SEMA3A: variants seen among roughly 807,000 people sequenced by gnomAD.
SEMA3A encodes the protein semaphorin 3A, also known as semaphorin-3A.
Under a neutral mutation model 97.9 loss-of-function variants are expected in SEMA3A, and 29 were observed. The ratio of observed to expected loss-of-function variants is 0.30; its 90% CI spans 0.22 to 0.40. The LOEUF (loss-of-function observed/expected upper bound fraction) is 0.40. Among genes scored for constraint, SEMA3A ranks in the 10% least tolerant of loss-of-function variants. SEMA3A has a pLI of 1.00. For synonymous variants in SEMA3A, 321 were observed against 323.7 expected (o/e 0.99, Z 0.09); for missense variants, 763 against 951.3 (o/e 0.80, Z 2.60).
chr7:84,024,291 G>GGTGGCTTGGC (rs1791459567), intron 6 of SEMA3A, among the ~76,000 whole-genome samples: 1 of 152,088 alleles, frequency 6.6e-6, no homozygotes, highest in Non-Finnish European at 1.5e-5. Flanking sequence ...TGTAATCCCG[G>GGTGGCTTGGC]CACCATGGGG....
chr7:84,242,826 T>C (rs1799396412), intron 3 of SEMA3A, among the ~76,000 whole-genome samples: 1 of 152,202 alleles, frequency 6.6e-6, no homozygotes, highest in Non-Finnish European at 1.5e-5. Flanking sequence ...CCTAGTTTAT[T>C]GAGAGTTTTT....
intron 2 of SEMA3A, among the ~76,000 whole-genome samples, chr7:84,131,865 T>C (rs1297584328): frequency 6.6e-6 from 1 of 152,180 alleles, no homozygotes. Flanking sequence ...TGATCACAGC[T>C]CACTGCAGGC....
In SEMA3A at chr7:84,249,057, C is replaced by T. The variant is rs149719793; in HGVS notation, c.-82-54389G>A. 4.6e-3 allele frequency among the ~76,000 whole-genome samples: 701 copies of T among 152,220 alleles called. 3 individuals carry two copies. Among genetic ancestry groups the T allele is most frequent in the Non-Finnish European group, 6.7e-3 (455 of 68,008 alleles). ...CAATATTTCATGCAGTTCAACTTTT[C>T]GCTTCCCTGTTTCAGAAGAATAAAG... On this transcript the variant is annotated intron_variant, in intron 3 of 3. Transcript: ENST00000424555.
At chr7:84,380,721 GCTGAGTTCCTCACTGGA>G (rs1369182370) in intron 1 of SEMA3A, among the ~76,000 whole-genome samples, 4 of 152,148 alleles carry the variant, frequency 2.6e-5, no homozygotes, top group Admixed American at 2.0e-4. Context: ...AGTCAGCAGG[GCTGAGTTCCTCACTGGA>G]AACCCTAGTG....
At chr7:84,188,665 G>A (rs559196283) in intron 1 of SEMA3A, among the ~76,000 whole-genome samples, 105 of 151,846 alleles carry the variant, frequency 6.9e-4, no homozygotes, top group Non-Finnish European at 1.3e-3. Context: ...ACAGGCACAT[G>A]AATCTCTGCT....
intron 1 of SEMA3A, among the ~76,000 whole-genome samples, chr7:84,373,287 T>G (rs1434419785): frequency 6.6e-6 from 1 of 152,186 alleles, no homozygotes; most frequent in Non-Finnish European, 1.5e-5. Context: ...CTTCAATACA[T>G]GTTGAATAGA....
intron 1 of SEMA3A, among the ~76,000 whole-genome samples, chr7:84,397,432 AT>A (rs1803765928): frequency 6.7e-6 from 1 of 148,244 alleles, no homozygotes; most frequent in Non-Finnish European, 1.5e-5. Flanking sequence ...TATAAAATAT[AT>A]AATATATATT....
intron 2 of SEMA3A, among the ~76,000 whole-genome samples, chr7:84,332,458 T>C (rs1801930431): frequency 6.6e-6 from 1 of 152,160 alleles, no homozygotes; most frequent in African/African-American, 2.4e-5. Flanking sequence ...GAAATCTAAA[T>C]GGCAAGACAA....
At chr7:84,483,660 T>C (rs1806499901) in intron 1 of SEMA3A, among the ~76,000 whole-genome samples, 1 of 152,168 alleles carries the variant, frequency 6.6e-6, no homozygotes, top group Non-Finnish European at 1.5e-5. Flanking sequence ...TAGTGTCAGA[T>C]GCAGCCAATG....
chr7:84,122,938 C>T (rs1246085517), intron 3 of SEMA3A, among the ~76,000 whole-genome samples: 1 of 152,144 alleles, frequency 6.6e-6, no homozygotes. Flanking sequence ...CATGATACAA[C>T]ACTTTGAAAT....
At chr7:84,030,223 TTA>T (rs1362983362) in intron 6 of SEMA3A, among the ~76,000 whole-genome samples, 1 of 152,152 alleles carries the variant, frequency 6.6e-6, no homozygotes, top group Admixed American at 6.5e-5. Context: ...AGCAAGTAAT[TTA>T]TATGATTTTA....
intron 6 of SEMA3A, 109 bp downstream of exon 6, chr7:84,046,215 A>G: frequency 7.7e-7 from 1 of 1,295,894 alleles, no homozygotes; most frequent in Non-Finnish European, 1.1e-6. Flanking sequence ...CCATTAGCTT[A>G]ACTGCACAAT....
At chr7:84,091,567 G>A (rs1043441426) in intron 4 of SEMA3A, among the ~76,000 whole-genome samples, 4 of 152,120 alleles carry the variant, frequency 2.6e-5, no homozygotes, top group Non-Finnish European at 5.9e-5. Context: ...ATTCAGCCGA[G>A]TGCTTTACTA....
At chr7:84,297,246 G>A (rs1800895487) in intron 3 of SEMA3A, among the ~76,000 whole-genome samples, 1 of 152,098 alleles carries the variant, frequency 6.6e-6, no homozygotes, top group Non-Finnish European at 1.5e-5. Flanking sequence ...CAAAGTTCTG[G>A]GATTACAGGT....
intron 1 of SEMA3A, among the ~76,000 whole-genome samples, chr7:84,408,214 C>T (rs1804157947): frequency 6.6e-6 from 1 of 152,100 alleles, no homozygotes; most frequent in Middle Eastern, 3.2e-3. Context: ...CAAACAACCC[C>T]ATCAACAAGT....
intron 12 of SEMA3A, among the ~76,000 whole-genome samples, chr7:83,985,833 G>T (rs967900093): frequency 6.6e-6 from 1 of 152,184 alleles, no homozygotes; most frequent in African/African-American, 2.4e-5. Context: ...AGGGTTCAAA[G>T]AAGTAGAGCT....
chr7:84,348,507 G>A (rs534876487), intron 2 of SEMA3A, among the ~76,000 whole-genome samples: 54 of 152,234 alleles, frequency 3.5e-4, no homozygotes, highest in African/African-American at 1.2e-3. Flanking sequence ...TAAAACATAA[G>A]AAGGAATATA....
At chr7:84,463,749 T>A (rs1261722864) in intron 1 of SEMA3A, among the ~76,000 whole-genome samples, 1 of 152,230 alleles carries the variant, frequency 6.6e-6, no homozygotes, top group African/African-American at 2.4e-5. Flanking sequence ...ATTGAACCTA[T>A]ATAAAACTAT....
chr7:84,426,025 C>T (rs1804818119), intron 1 of SEMA3A, among the ~76,000 whole-genome samples: 1 of 150,540 alleles, frequency 6.6e-6, no homozygotes, highest in African/African-American at 2.4e-5. Flanking sequence ...GGCAGCTAAG[C>T]TATGGGTATA....
Sources: gnomAD v4.1 joint callset for allele counts (sites outside exome capture counted in the v4.1 genomes callset) on GRCh38, gnomAD v4.1.1 for gene constraint, MANE v1.5 for transcripts, NCBI Gene and HGNC (gene_info 2026-07-23, HGNC 2026-07-21) for gene names.